Variants in CNKSR2 observed in about 807,000 individuals in gnomAD.
The protein encoded by CNKSR2 is CNK homolog protein 2.
A neutral mutation model predicts 84.4 loss-of-function variants in CNKSR2; 14 were observed. The observed-to-expected ratio is 0.17, with a 90% confidence interval of 0.11 to 0.26. CNKSR2 has a LOEUF of 0.26. CNKSR2 is among the 10% of genes least tolerant of loss of function. The pLI is 1.00. For synonymous variants in CNKSR2, 275 were observed against 277.9 expected (o/e 0.99, Z 0.10); for missense variants, 485 against 771.2 (o/e 0.63, Z 4.40).
intron 4 of CNKSR2, among the ~76,000 whole-genome samples, chrX:21,454,769 T>C (rs1293713448): frequency 8.9e-6 from 1 of 112,172 alleles, no homozygotes; most frequent in East Asian, 2.8e-4. Context: ...GGTACATCTG[T>C]TTGTATAATA....
intron 4 of CNKSR2, among the ~76,000 whole-genome samples, chrX:21,448,581 T>C (rs2090885251): frequency 8.9e-6 from 1 of 112,158 alleles, no homozygotes; most frequent in Non-Finnish European, 1.9e-5. Context: ...TAAATTATAG[T>C]TACTATTAGG....
At chrX:21,429,354 G>C (rs896741653) in intron 2 of CNKSR2, 1 of 111,783 alleles carries the variant, frequency 8.9e-6, no homozygotes, top group African/African-American at 3.2e-5. Context: ...GTAATACCAA[G>C]TTTTGCTATG....
chrX:21,516,393 T>G lies in CNKSR2; in HGVS notation c.811-92T>G, dbSNP rs199772009. 4.5e-6 allele frequency: 3 copies of G among 660,457 alleles called. No homozygotes were observed. In the African/African-American group the frequency reaches 6.9e-5, roughly 15 times the overall value. 54.4% of individuals were successfully genotyped at this position (660,457 alleles called of 1,213,427 possible). A position where few individuals can be genotyped will look rare whatever the true frequency, so the allele number is the denominator to read the frequency against. ...TAGGATGGTACACCAATTATGTGAC[T>G]TTTTTTTTTACTAATCTTATTAAAG... On this transcript the variant is annotated intron_variant, in intron 8 of 21. Transcript: ENST00000379510.
chrX:21,592,285 A>T (rs1335413912), intron 15 of CNKSR2: 2 of 111,840 alleles, frequency 1.8e-5, no homozygotes, highest in African/African-American at 6.5e-5. Context: ...TGAGTGTTCA[A>T]TAAACATGTG....
intron 11 of CNKSR2, among the ~76,000 whole-genome samples, chrX:21,540,498 C>T (rs1051858677): frequency 4.5e-5 from 5 of 111,185 alleles, no homozygotes; most frequent in Admixed American, 9.5e-5. Context: ...ATAATGATAA[C>T]GAAAGTATGT....
chrX:21,615,815 C>T (rs1211915462), intron 20 of CNKSR2, among the ~76,000 whole-genome samples: 1 of 111,280 alleles, frequency 9.0e-6, no homozygotes, highest in African/African-American at 3.3e-5. Flanking sequence ...CAGTTCTAGC[C>T]ATTGAGTTGA....
intron 1 of CNKSR2, 69 bp from the exon 2 acceptor site, chrX:21,426,428 A>T: frequency 9.7e-7 from 1 of 1,030,482 alleles, no homozygotes; most frequent in South Asian, 2.0e-5. Context: ...GCTTGCTTCT[A>T]ACCCACCCTT....
intron 19 of CNKSR2, 40 bp from the exon 20 acceptor site, chrX:21,609,031 G>A: frequency 8.6e-7 from 1 of 1,162,472 alleles, no homozygotes; most frequent in Non-Finnish European, 1.1e-6. Flanking sequence ...GAAGTGGTCT[G>A]TTATTTTGGC....
chrX:21,555,007 C>CTTTT (rs368859808), intron 11 of CNKSR2, among the ~76,000 whole-genome samples: 1 of 95,976 alleles, frequency 1.0e-5, no homozygotes. Flanking sequence ...ATCTGTCTTT[C>CTTTT]TTTTTTTTTT....
intron 3 of CNKSR2, 100 bp downstream of exon 3, chrX:21,432,914 G>A (rs755538764): frequency 1.3e-6 from 1 of 786,141 alleles, no homozygotes; most frequent in East Asian, 3.3e-5. Flanking sequence ...GACAGGCAGA[G>A]GAGTACCAAG....
At chrX:21,502,926 AG>A (rs1298086774) in intron 8 of CNKSR2, among the ~76,000 whole-genome samples, 1 of 111,085 alleles carries the variant, frequency 9.0e-6, no homozygotes. Flanking sequence ...AGTGGGATAA[AG>A]CAGCTGCTTC....
chrX:21,471,365 A>G (rs1449982552), intron 5 of CNKSR2, among the ~76,000 whole-genome samples: 1 of 112,042 alleles, frequency 8.9e-6, no homozygotes, highest in Non-Finnish European at 1.9e-5. Flanking sequence ...CTTAATGAAC[A>G]GTTGGCCACT....
At chrX:21,503,555 C>A (rs1322642387) in intron 8 of CNKSR2, 1 of 224,299 alleles carries the variant, frequency 4.5e-6, no homozygotes, top group Non-Finnish European at 8.0e-6. Context: ...GACTCTAAGA[C>A]CCATGTTCTT....
chrX:21,620,184 T>A (rs757021416), intron 20 of CNKSR2, among the ~76,000 whole-genome samples: 1 of 111,427 alleles, frequency 9.0e-6, no homozygotes, highest in East Asian at 2.8e-4. Flanking sequence ...GTGCCTTAAC[T>A]GAATGCTTCT....
chrX:21,486,329 C>T (rs2091385218), intron 5 of CNKSR2, among the ~76,000 whole-genome samples: 1 of 111,351 alleles, frequency 9.0e-6, no homozygotes, highest in African/African-American at 3.3e-5. Context: ...ATTGCAAGAA[C>T]ACTTGCAAGC....
At chrX:21,439,923 A>G (rs2147082990) in intron 3 of CNKSR2, among the ~76,000 whole-genome samples, 1 of 110,110 alleles carries the variant, frequency 9.1e-6, no homozygotes, top group East Asian at 2.9e-4. Flanking sequence ...TTTTGAGGCA[A>G]TCATTATCCT....
chrX:21,518,957 A>G (rs1339346672), intron 9 of CNKSR2, among the ~76,000 whole-genome samples: 1 of 111,860 alleles, frequency 8.9e-6, no homozygotes, highest in Non-Finnish European at 1.9e-5. Context: ...CCGTAGATAA[A>G]TAATACTATT....
At chrX:21,572,521 T>C (rs1022801482) in intron 13 of CNKSR2, among the ~76,000 whole-genome samples, 1 of 112,033 alleles carries the variant, frequency 8.9e-6, no homozygotes, top group African/African-American at 3.2e-5. Context: ...AGAGGTTTAA[T>C]TGACTCACAG....
chrX:21,402,204 T>C (rs2090200439), intron 1 of CNKSR2, among the ~76,000 whole-genome samples: 1 of 111,300 alleles, frequency 9.0e-6, no homozygotes, highest in Non-Finnish European at 1.9e-5. Context: ...CCTGCACAAC[T>C]CTATATTGTG....
Sources: gnomAD v4.1 joint callset for allele counts (sites outside exome capture counted in the v4.1 genomes callset) on GRCh38, gnomAD v4.1.1 for gene constraint, MANE v1.5 for transcripts, NCBI Gene and HGNC (gene_info 2026-07-23, HGNC 2026-07-21) for gene names.